Variants in CLPB observed in about 807,000 individuals in gnomAD.
CLPB encodes ClpB family mitochondrial disaggregase.
In CLPB, 40 loss-of-function variants were observed where a neutral mutation model predicts 78.4. The ratio of observed to expected loss-of-function variants is 0.51; its 90% CI spans 0.40 to 0.66. The LOEUF (loss-of-function observed/expected upper bound fraction) is 0.66. Ranked by LOEUF, CLPB falls within the 30% of genes least tolerant of loss-of-function variation. The pLI, the probability that CLPB is intolerant of heterozygous loss-of-function variation, is 0.00. For missense variants in CLPB, 780 were observed against 886.9 expected, an observed-to-expected ratio of 0.88 and a Z score of 1.53; for synonymous variants, 333 against 348.0, an observed-to-expected ratio of 0.96 and a Z score of 0.48.
intron 2 of CLPB, among the ~76,000 whole-genome samples, chr11:72,429,753 T>C (rs1200913054): frequency 2.0e-5 from 3 of 152,234 alleles, no homozygotes; most frequent in Non-Finnish European, 2.9e-5. Context: ...TGCCAAATAA[T>C]AAGCCTCAAA....
chr11:72,385,192 T>C (rs1260347602), intron 3 of CLPB, among the ~76,000 whole-genome samples: 1 of 152,190 alleles, frequency 6.6e-6, no homozygotes, highest in African/African-American at 2.4e-5. Context: ...TTGGCAAGTT[T>C]CCTTCCAAAC....
chr11:72,391,882 T>C (rs1395321838), intron 3 of CLPB, among the ~76,000 whole-genome samples: 2 of 152,168 alleles, frequency 1.3e-5, no homozygotes, highest in South Asian at 4.1e-4. Context: ...TGTAGGAAGG[T>C]TGGCTCACAC....
At chr11:72,406,452 G>T (rs567861600) in intron 2 of CLPB, among the ~76,000 whole-genome samples, 1 of 152,210 alleles carries the variant, frequency 6.6e-6, no homozygotes, top group African/African-American at 2.4e-5. Flanking sequence ...TTTGAATTCT[G>T]ATCTAGCTAG....
At chr11:72,408,432 C>T (rs1788140251) in intron 2 of CLPB, among the ~76,000 whole-genome samples, 1 of 151,930 alleles carries the variant, frequency 6.6e-6, no homozygotes, top group African/African-American at 2.4e-5. Flanking sequence ...CTTTGGGAGG[C>T]CAAGGTGAGT....
At chr11:72,430,597 A>C in intron 1 of CLPB, 1 of 525,016 alleles carries the variant, frequency 1.9e-6, no homozygotes. Context: ...CACTCCTCTC[A>C]TCATAGAGGG....
At chr11:72,345,946 T>C (rs904316401) in intron 5 of CLPB, among the ~76,000 whole-genome samples, 7 of 152,172 alleles carry the variant, frequency 4.6e-5, no homozygotes, top group African/African-American at 1.7e-4. Context: ...TTTTAAGATG[T>C]ATTATAGGAT....
chr11:72,350,521 T>A (rs765423213), intron 5 of CLPB, among the ~76,000 whole-genome samples: 1 of 152,246 alleles, frequency 6.6e-6, no homozygotes, highest in Admixed American at 6.5e-5. Context: ...ATTTTGTAAT[T>A]ATTTGCCTAA....
chr11:72,297,253 C>T (rs762776752), intron 11 of CLPB, among the ~76,000 whole-genome samples: 1 of 152,210 alleles, frequency 6.6e-6, no homozygotes, highest in South Asian at 2.1e-4. Context: ...GGGCCCTGCC[C>T]GAGCTTCAGG....
At chr11:72,325,009 C>T (rs1239574821) in intron 6 of CLPB, among the ~76,000 whole-genome samples, 1 of 151,948 alleles carries the variant, frequency 6.6e-6, no homozygotes, top group Non-Finnish European at 1.5e-5. Context: ...CCGATGCATT[C>T]TTTGGGTGTG....
At chr11:72,362,893 C>T (rs947789488) in intron 4 of CLPB, among the ~76,000 whole-genome samples, 1 of 152,200 alleles carries the variant, frequency 6.6e-6, no homozygotes, top group Non-Finnish European at 1.5e-5. Context: ...CAGTGGCTCA[C>T]GCCTGTAATC....
chr11:72,334,396 A>T (rs1950283790), intron 5 of CLPB, among the ~76,000 whole-genome samples: 1 of 152,200 alleles, frequency 6.6e-6, no homozygotes. Flanking sequence ...GCCTCAGGGC[A>T]GCATGTCTGC....
intron 3 of CLPB, among the ~76,000 whole-genome samples, chr11:72,385,526 T>A (rs1316338803): frequency 6.6e-6 from 1 of 152,234 alleles, no homozygotes; most frequent in Non-Finnish European, 1.5e-5. Flanking sequence ...TATATGTCTA[T>A]TACATTGTTT....
At position 72,293,422 on chromosome 11, in the gene CLPB, C is replaced by T. The variant is rs758613799; in HGVS notation, c.1979G>A (p.Arg660His). ...CAGTGGTGCCCGGATGTCCAGTCTGCGAGTCTTGCTGTCCTTGTCGATGAT... is the reference window on the plus strand; with the variant it reads ...CAGTGGTGCCCGGATGTCCAGTCTGTGAGTCTTGCTGTCCTTGTCGATGAT... ...LEIIDKDSKT[R>H]RLDIRAPLHP... Residue 660 changes from arginine to histidine, a missense_variant, in exon 16 of 16, where the codon CGC becomes CAC. Physicochemically the swap from Arg to His is conservative, Grantham distance 29. Coordinates refer to ENST00000538039, the MANE Select transcript of CLPB (RefSeq NM_001258392.3). 104 of 1,614,010 alleles carry T rather than the reference C, an allele frequency of 6.4e-5. No homozygotes were observed. The highest frequency in any genetic ancestry group is 8.2e-5 in the Non-Finnish European group (97 of 1,180,022).
chr11:72,433,215 G>A (rs1856597040), intron 1 of CLPB, among the ~76,000 whole-genome samples: 1 of 152,104 alleles, frequency 6.6e-6, no homozygotes, highest in South Asian at 2.1e-4. Context: ...TCCAAAAAGA[G>A]TCAAAATAAC....
chr11:72,358,962 G>A lies in CLPB; in HGVS notation c.693C>T (p.Arg231=), dbSNP rs149932193. 7.4e-5 allele frequency: 119 copies of A among 1,613,400 alleles called. No individual in the cohort carries two copies. The highest frequency in any genetic ancestry group is 6.6e-4 in the African/African-American group (49 of 74,724). ...AGGCCGTGCAGCCCTTGAAACTGGCGCGGTTGTTCAGCCTGTTGTTGAAGT... is the reference window on the plus strand; with the variant it reads ...AGGCCGTGCAGCCCTTGAAACTGGCACGGTTGTTCAGCCTGTTGTTGAAGT... The part of the protein sequence containing the change: ...EDDFNNRLNN[R]ASFKGCTALH... Residue 231 remains arginine (R), a synonymous_variant, in exon 5 of 16, where the codon CGC becomes CGT. Transcript: ENST00000538039.
chr11:72,302,191 A>G, intron 10 of CLPB, 113 bp downstream of exon 10: 1 of 1,205,846 alleles, frequency 8.3e-7, no homozygotes, highest in Non-Finnish European at 1.2e-6. Flanking sequence ...CTGTGCTCCC[A>G]ACGACAAATC....
rs775396463 is a variant in CLPB at position 72,293,556 on chromosome 11, C to T, written c.1845G>A (p.Gly615=). 6.2e-7 allele frequency: 1 copy of T among 1,613,924 alleles called. No homozygotes were observed. The highest frequency in any genetic ancestry group is 8.5e-7 in the Non-Finnish European group (1 of 1,179,988). Residue 615 remains glycine, a synonymous_variant, in exon 16 of 16, where the codon GGG becomes GGA. Coordinates refer to ENST00000538039, the MANE Select transcript of CLPB (RefSeq NM_001258392.3). ...AAAYEQDLLP[G]GCTLRITVED... ...CCACCGTGATGCGCAAAGTACAGCC[C>T]CCTGGCAGCAGGTCCTGCTCATAGG...
At chr11:72,412,539 A>G (rs2135114987) in intron 2 of CLPB, among the ~76,000 whole-genome samples, 1 of 152,336 alleles carries the variant, frequency 6.6e-6, no homozygotes, top group Non-Finnish European at 1.5e-5. Context: ...AGGGAGGCTC[A>G]GAAAGCGTCC....
At chr11:72,373,115 C>T in intron 4 of CLPB, 1 of 940,200 alleles carries the variant, frequency 1.1e-6, no homozygotes, top group South Asian at 1.4e-5. Context: ...TTGTTCCAAG[C>T]CCTCTACCCC....
Sources: gnomAD v4.1 joint callset for allele counts (sites outside exome capture counted in the v4.1 genomes callset) on GRCh38, gnomAD v4.1.1 for gene constraint, MANE v1.5 for transcripts, NCBI Gene and HGNC (gene_info 2026-07-23, HGNC 2026-07-21) for gene names.